The following PIH1D2 variants were observed in gnomAD, a reference collection of about 807,000 sequenced individuals.
PIH1D2 encodes PIH1 domain containing 2.
PIH1D2 carries 25 observed loss-of-function variants against 31.2 expected under a neutral mutation model. The ratio of observed to expected loss-of-function variants is 0.80; its 90% CI spans 0.58 to 1.12. The LOEUF (loss-of-function observed/expected upper bound fraction) is 1.12. PIH1D2 is among the 50% of genes most tolerant of loss of function. PIH1D2 has a pLI of 0.00. For missense variants in PIH1D2, 310 were observed against 356.6 expected (o/e 0.87, Z 1.05); for synonymous variants, 116 against 119.9 (o/e 0.97, Z 0.21).
chr11:112,066,875 C>T (rs1864941808), downstream of PIH1D2, among the ~76,000 whole-genome samples: 1 of 151,824 alleles, frequency 6.6e-6, no homozygotes. Flanking sequence ...CCAGCCTGGC[C>T]AACATGGTGA....
chr11:112,070,934 A>C, intron 4 of PIH1D2, 104 bp downstream of exon 4: 1 of 1,356,238 alleles, frequency 7.4e-7, no homozygotes, highest in Non-Finnish European at 9.9e-7. Flanking sequence ...TTCTATCTTA[A>C]GTTTTTCACC....
chr11:112,058,033 T>C, the PIH1D2 span, among the ~76,000 whole-genome samples: 1 of 152,326 alleles, frequency 6.6e-6, no homozygotes, highest in South Asian at 2.1e-4. Context: ...TATTGCAATA[T>C]TATTTTGGTG....
chr11:112,064,663 G>A (rs782000967), downstream of PIH1D2, among the ~76,000 whole-genome samples: 2 of 152,214 alleles, frequency 1.3e-5, no homozygotes, highest in East Asian at 3.9e-4. Flanking sequence ...TCTGAAGCTT[G>A]TGATTGTGAA....
In PIH1D2 at chr11:112,067,809, T is replaced by C; in HGVS notation, c.*62A>G. On this transcript the variant is annotated 3_prime_UTR_variant, in exon 6 of 6. Transcript: ENST00000280350. Reference sequence around the variant, plus strand: ...TAAACTACTACCTCTTTAGCCAAAATGAAGGTCCTTTAATTCACATGACTT... The same window carrying C: ...TAAACTACTACCTCTTTAGCCAAAACGAAGGTCCTTTAATTCACATGACTT... The C allele has an allele frequency of 1.3e-6, 2 of 1,577,820 alleles. No homozygotes were observed. Among genetic ancestry groups the C allele is most frequent in the Non-Finnish European group, 1.7e-6 (2 of 1,166,298 alleles).
the PIH1D2 span, among the ~76,000 whole-genome samples, chr11:112,053,348 T>G: frequency 2.0e-5 from 3 of 152,128 alleles, no homozygotes; most frequent in Non-Finnish European, 2.9e-5. Context: ...TAATAAATAT[T>G]AAATTTAGGT....
At chr11:112,068,982 G>GTTTGTT (rs1865021433) in intron 5 of PIH1D2, among the ~76,000 whole-genome samples, 12 of 88,432 alleles carry the variant, frequency 1.4e-4, no homozygotes, top group African/African-American at 6.1e-4. Flanking sequence ...AATTTTTTTT[G>GTTTGTT]TTTTTTTTTT....
intron 2 of PIH1D2, chr11:112,072,779 G>C (rs137957164): frequency 2.5e-6 from 1 of 403,182 alleles, no homozygotes; most frequent in African/African-American, 2.0e-5. Context: ...CAGGAGAATC[G>C]CTTAAACCCG....
At chr11:112,071,845 C>T (rs1046211594) in intron 2 of PIH1D2, 87 bp from the exon 3 acceptor site, 9 of 1,473,172 alleles carry the variant, frequency 6.1e-6, no homozygotes, top group Non-Finnish European at 8.4e-6. Flanking sequence ...GTAATCCGAG[C>T]ACTTTGGGGG....
intron 1 of PIH1D2, among the ~76,000 whole-genome samples, chr11:112,073,658 G>A (rs1865222080): frequency 6.6e-6 from 1 of 152,082 alleles, no homozygotes; most frequent in South Asian, 2.1e-4. Context: ...CACTAGCTCT[G>A]TGACCTTGAG....
rs1430860039 is a variant in PIH1D2, at chr11:112,070,930, CTT to C, written c.547+106_547+107del. The C allele has an allele frequency of 2.9e-5, 38 of 1,330,550 alleles. 1 individual carries two copies. In the East Asian group the frequency reaches 7.9e-4, roughly 28 times the overall value. 82.4% of individuals were successfully genotyped at this position (1,330,550 alleles called of 1,614,324 possible). On this transcript the variant is annotated intron_variant, in intron 4 of 5. Transcript: ENST00000280350. ...ATATTTAATATTTGCATTTTTCTAT[CTT>C]AAGTTTTTCACCTTTTAAAATAGAG...
At chr11:112,069,739 A>C (rs1014404531) in intron 5 of PIH1D2, 1 of 152,238 alleles carries the variant, frequency 6.6e-6, no homozygotes, top group Non-Finnish European at 1.5e-5. Flanking sequence ...CTACCTCCAG[A>C]AAAGGAGCCC....
intron 5 of PIH1D2, among the ~76,000 whole-genome samples, chr11:112,068,520 C>T (rs1235744499): frequency 6.6e-6 from 1 of 152,110 alleles, no homozygotes; most frequent in African/African-American, 2.4e-5. Context: ...CGGTGGCTCA[C>T]ACCTGTAATC....
downstream of PIH1D2, chr11:112,061,299 T>C: frequency 2.1e-6 from 2 of 947,536 alleles, no homozygotes; most frequent in Non-Finnish European, 3.4e-6. Context: ...AATGCTCAAG[T>C]CCCTGATATG....
chr11:112,060,899 C>A (rs587683478), downstream of PIH1D2: 4 of 682,684 alleles, frequency 5.9e-6, no homozygotes, highest in East Asian at 1.1e-4. Context: ...GGTTGTATAT[C>A]TTCAGTAATG....
downstream of PIH1D2, chr11:112,061,520 C>T (rs587736226): frequency 2.4e-5 from 7 of 293,934 alleles, 1 homozygote; most frequent in Middle Eastern, 2.5e-3. Flanking sequence ...TCTATGGATT[C>T]GGAACCCATG....
chr11:112,071,076 T>G lies in PIH1D2; in HGVS notation c.509A>C (p.Gln170Pro), dbSNP rs1555184539. Residue 170 changes from glutamine to proline, a missense_variant, in exon 4 of 6, where the codon CAA becomes CCA. Coordinates refer to ENST00000280350, the MANE Select transcript of PIH1D2 (RefSeq NM_138789.4). ...QRMKQNLMGI[Q>P]TDSIDLREKM... ...TTCTCTTAAATCTATGGAATCAGTT[T>G]GGATTCCCATCAGATTTTGTTTCAT... 4 of 1,613,384 alleles carry G rather than the reference T, an allele frequency of 2.5e-6. No individual in the cohort carries two copies. The highest frequency in any genetic ancestry group is 1.7e-6 in the Non-Finnish European group (2 of 1,179,484).
chr11:112,052,886 G>A, the PIH1D2 span, among the ~76,000 whole-genome samples: 7,005 of 151,980 alleles, frequency 0.046, 435 homozygotes, highest in African/African-American at 0.14. Context: ...CTAAGTATCC[G>A]TCATGGAGCT....
At chr11:112,072,044 G>A (rs1294680494) in intron 2 of PIH1D2, among the ~76,000 whole-genome samples, 1 of 152,052 alleles carries the variant, frequency 6.6e-6, no homozygotes, top group African/African-American at 2.4e-5. Context: ...AGTGAGCCAA[G>A]ATTGTGCCAT....
chr11:112,059,070 G>T (rs1442978714), downstream of PIH1D2, among the ~76,000 whole-genome samples: 1 of 151,448 alleles, frequency 6.6e-6, no homozygotes, highest in Non-Finnish European at 1.5e-5. Context: ...AAAAAAGATT[G>T]GGACCCCTTA....
Sources: gnomAD v4.1 joint callset for allele counts (sites outside exome capture counted in the v4.1 genomes callset) on GRCh38, gnomAD v4.1.1 for gene constraint, MANE v1.5 for transcripts, NCBI Gene and HGNC (gene_info 2026-07-23, HGNC 2026-07-21) for gene names.